NT5C1B: variants seen among roughly 807,000 people sequenced by gnomAD.
The protein encoded by NT5C1B is cytosolic 5'-nucleotidase 1B.
Under a neutral mutation model 57.8 loss-of-function variants are expected in NT5C1B, and 44 were observed. The ratio of observed to expected loss-of-function variants is 0.76; its 90% CI spans 0.60 to 0.98. The LOEUF is 0.98. Ranked by LOEUF, NT5C1B falls within the 50% of genes least tolerant of loss-of-function variation. The probability of loss-of-function intolerance (pLI) is 0.00; values close to 1 mark genes in which losing one functional copy is unlikely to be tolerated. For missense variants in NT5C1B, 742 were observed against 719.5 expected (o/e 1.03, Z -0.36); for synonymous variants, 284 against 282.6 (o/e 1.00, Z -0.05).
In NT5C1B at chr2:18,583,025, A is replaced by G. The variant is rs1335856701; in HGVS notation, c.892-28T>C. On this transcript the variant is annotated intron_variant, in intron 5 of 8. Transcript: ENST00000304081. The stretch of plus-strand genomic sequence containing the variant: ...GCAGGTTACAAACATGAATGTGTGT[A>G]AAGAGGGGCAGGCAGGGTGGATCTG... 3.1e-6 allele frequency: 5 copies of G among 1,605,414 alleles called. No homozygotes were observed. In the East Asian group the frequency reaches 6.7e-5, roughly 22 times the overall value.
intron 8 of NT5C1B, among the ~76,000 whole-genome samples, chr2:18,565,443 A>C (rs1263147802): frequency 6.6e-6 from 1 of 152,152 alleles, no homozygotes; most frequent in East Asian, 1.9e-4. Context: ...TCCTTGAATA[A>C]ACTTTTGGCT....
exon 8 of NT5C1B, chr2:18,576,290 C>T (rs1416135910): frequency 3.1e-6 from 5 of 1,613,712 alleles, no homozygotes; most frequent in East Asian, 2.2e-5. Context: ...GACAGCATCC[C>T]CATCAAAGGC....
intron 1 of NT5C1B, among the ~76,000 whole-genome samples, chr2:18,589,203 A>G (rs1228748873): frequency 6.6e-6 from 1 of 152,244 alleles, no homozygotes; most frequent in Non-Finnish European, 1.5e-5. Context: ...AATCATTTAT[A>G]TACTACACGT....
chr2:18,586,649 CTG>C (rs1026414232), intron 2 of NT5C1B: 20 of 596,962 alleles, frequency 3.4e-5, no homozygotes, highest in Non-Finnish European at 5.7e-5. Context: ...TATTTTTTCA[CTG>C]TGACTCCTCT....
At chr2:18,581,893 A>T (rs561992413) in intron 6 of NT5C1B, among the ~76,000 whole-genome samples, 2 of 152,226 alleles carry the variant, frequency 1.3e-5, no homozygotes, top group Admixed American at 1.3e-4. Context: ...ACAAGGCTGC[A>T]TGAGAAGGTT....
intron 5 of NT5C1B, 170 bp downstream of exon 5, chr2:18,583,918 C>G (rs1400717347): frequency 8.7e-7 from 1 of 1,146,728 alleles, no homozygotes; most frequent in Admixed American, 2.0e-5. Flanking sequence ...CCTCCACAGT[C>G]TGGAAGCCTG....
At chr2:18,575,026 ATG>A (rs951656244) in intron 8 of NT5C1B, among the ~76,000 whole-genome samples, 26 of 152,214 alleles carry the variant, frequency 1.7e-4, no homozygotes, top group Admixed American at 1.2e-3. Flanking sequence ...GAACTGAAAA[ATG>A]TAAAATCTAA....
intron 8 of NT5C1B, among the ~76,000 whole-genome samples, chr2:18,573,537 T>C (rs990141540): frequency 6.6e-6 from 1 of 151,994 alleles, no homozygotes; most frequent in Non-Finnish European, 1.5e-5. Flanking sequence ...AATCAGGAGA[T>C]ATCAGTTACT....
chr2:18,568,087 GACAC>G (rs3046807), intron 8 of NT5C1B, among the ~76,000 whole-genome samples: 264 of 142,686 alleles, frequency 1.9e-3, no homozygotes, highest in Non-Finnish European at 2.8e-3. Context: ...AATGCTGTGG[GACAC>G]ACACACACAC....
chr2:18,582,223 T>C (rs1666246341), intron 6 of NT5C1B, among the ~76,000 whole-genome samples: 1 of 152,270 alleles, frequency 6.6e-6, no homozygotes. Flanking sequence ...TCATAACTTA[T>C]ATCTCGATTA....
chr2:18,579,272 A>G (rs542429443), intron 6 of NT5C1B, among the ~76,000 whole-genome samples: 1 of 152,374 alleles, frequency 6.6e-6, no homozygotes, highest in East Asian at 1.9e-4. Context: ...CATTTTTCAC[A>G]GAATTAGAAA....
At chr2:18,588,988 C>T (rs1393888782) in intron 1 of NT5C1B, among the ~76,000 whole-genome samples, 3 of 152,174 alleles carry the variant, frequency 2.0e-5, no homozygotes, top group Non-Finnish European at 2.9e-5. Context: ...CTTCGAAACC[C>T]AGCTCAGTGT....
At chr2:18,577,988 A>G (rs1308353747) in intron 6 of NT5C1B, among the ~76,000 whole-genome samples, 1 of 152,152 alleles carries the variant, frequency 6.6e-6, no homozygotes, top group East Asian at 1.9e-4. Flanking sequence ...AGATTGTTAC[A>G]GACACCTCTA....
At chr2:18,578,369 A>G (rs1387530356) in intron 6 of NT5C1B, among the ~76,000 whole-genome samples, 1 of 152,166 alleles carries the variant, frequency 6.6e-6, no homozygotes, top group Non-Finnish European at 1.5e-5. Context: ...AAAGTCCTCA[A>G]CAAAATACTA....
At chr2:18,576,745 A>C (rs764758835) in intron 7 of NT5C1B, 28 bp downstream of exon 7, 1 of 1,611,870 alleles carries the variant, frequency 6.2e-7, no homozygotes, top group Non-Finnish European at 8.5e-7. Flanking sequence ...CCTCTTTATT[A>C]ACTAGAGGAA....
intron 8 of NT5C1B, among the ~76,000 whole-genome samples, chr2:18,572,384 G>C (rs1286916028): frequency 6.6e-6 from 1 of 152,074 alleles, no homozygotes; most frequent in Non-Finnish European, 1.5e-5. Context: ...CCTTGGATTA[G>C]GCAAAGATTT....
intron 8 of NT5C1B, among the ~76,000 whole-genome samples, chr2:18,572,650 C>A (rs1665307194): frequency 6.6e-6 from 1 of 151,948 alleles, no homozygotes; most frequent in Admixed American, 6.6e-5. Context: ...AGGTACTTCA[C>A]CAAAGAAGAT....
At chr2:18,577,469 T>A (rs569921291) in intron 6 of NT5C1B, among the ~76,000 whole-genome samples, 3 of 129,412 alleles carry the variant, frequency 2.3e-5, no homozygotes, top group East Asian at 2.2e-4. Context: ...AACCATACAA[T>A]TACATGGAAA....
At chr2:18,582,124 C>T (rs1225230434) in intron 6 of NT5C1B, among the ~76,000 whole-genome samples, 2 of 152,166 alleles carry the variant, frequency 1.3e-5, no homozygotes, top group Non-Finnish European at 2.9e-5. Context: ...CTTCATAACA[C>T]TATGAAGACT....
Sources: allele counts gnomAD v4.1 joint callset (sites outside exome capture counted in the v4.1 genomes callset), GRCh38; gene constraint gnomAD v4.1.1; transcripts MANE v1.5; gene names NCBI Gene and HGNC (gene_info 2026-07-23, HGNC 2026-07-21).